Variants in STK38L observed in about 807,000 individuals in gnomAD.
The protein encoded by STK38L is serine/threonine kinase 38 like.
Under a neutral mutation model 59.7 loss-of-function variants are expected in STK38L, and 28 were observed. The ratio of observed to expected loss-of-function variants is 0.47; its 90% CI spans 0.35 to 0.64. STK38L has a LOEUF of 0.64. Ranked by LOEUF, STK38L falls within the 30% of genes least tolerant of loss-of-function variation. The pLI is 0.01. For synonymous variants in STK38L, 162 were observed against 176.8 expected, an observed-to-expected ratio of 0.92 and a Z score of 0.66; for missense variants, 314 against 555.8, an observed-to-expected ratio of 0.56 and a Z score of 4.37.
intron 1 of STK38L, among the ~76,000 whole-genome samples, chr12:27,263,096 T>G (rs1943235868): frequency 6.6e-6 from 1 of 152,162 alleles, no homozygotes; most frequent in Non-Finnish European, 1.5e-5. Flanking sequence ...CAGCCAAGAT[T>G]GTTTTGATAG....
chr12:27,301,559 C>T (rs757645035), intron 2 of STK38L, among the ~76,000 whole-genome samples: 3 of 152,148 alleles, frequency 2.0e-5, no homozygotes, highest in Non-Finnish European at 2.9e-5. Context: ...CGCACCCGGC[C>T]GCTGGTGGGT....
chr12:27,312,494 T>TG (rs1944478895), intron 5 of STK38L, 55 bp from the exon 6 acceptor site: 8 of 1,587,980 alleles, frequency 5.0e-6, no homozygotes, highest in Non-Finnish European at 5.2e-6. Context: ...AGAGATGAGT[T>TG]TAACAAATGT....
intron 1 of STK38L, among the ~76,000 whole-genome samples, chr12:27,263,184 GA>G (rs1943237783): frequency 6.6e-6 from 1 of 152,140 alleles, no homozygotes; most frequent in Non-Finnish European, 1.5e-5. Context: ...GCTTTTTGAA[GA>G]CTCTTAAGGA....
At position 27,308,326 on chromosome 12, in the gene STK38L, T is replaced by G; in HGVS notation, c.187-13T>G. On this transcript the variant is annotated splice_polypyrimidine_tract_variant and intron_variant, in intron 3 of 13. Transcript: ENST00000389032. This position sits in a 1 kb window ranked among gnomAD's most constrained non-coding sequence, Gnocchi z 4.5. ...TTATAAAATCATCCGTTTAAATTGT[T>G]TTTTTTTAATAGAAAAAGTTACGTC... The G allele has an allele frequency of 6.5e-7, 1 of 1,529,854 alleles. No homozygotes were observed. The highest frequency in any genetic ancestry group is 8.8e-7 in the Non-Finnish European group (1 of 1,139,590). The allele number at this position is 1,529,854 out of a possible 1,614,324, so 94.8% of individuals were successfully genotyped here.
In STK38L at chr12:27,322,998, G is replaced by C. The variant is rs1338306145; in HGVS notation, c.*543G>C. The C allele has an allele frequency of 1.3e-5, 2 of 152,132 alleles. No individual in the cohort carries two copies. The highest frequency in any genetic ancestry group is 2.4e-5 in the African/African-American group (1 of 41,436). The allele number at this position is 152,132 out of a possible 1,614,324, so 9.4% of individuals were successfully genotyped here. A position where few individuals can be genotyped will look rare whatever the true frequency, so the allele number is the denominator to read the frequency against. On this transcript the variant is annotated 3_prime_UTR_variant, in exon 14 of 14. Transcript: ENST00000389032. ...GACAATTTCTGTAATGGTTTTAAGA[G>C]ATTTAAAAAGAAATTCACTGGTTCT...
intron 1 of STK38L, among the ~76,000 whole-genome samples, chr12:27,245,039 G>T (rs1942819820): frequency 6.6e-6 from 1 of 152,144 alleles, no homozygotes; most frequent in African/African-American, 2.4e-5. Flanking sequence ...TTAAAAAGTT[G>T]CCAGGTTGAC....
intron 12 of STK38L, among the ~76,000 whole-genome samples, chr12:27,320,567 C>T (rs1240673932): frequency 6.7e-6 from 1 of 148,756 alleles, no homozygotes; most frequent in East Asian, 2.0e-4. Context: ...GCTGGGATTA[C>T]AGGCGCCTAG....
chr12:27,264,049 G>A (rs959713713), intron 1 of STK38L, among the ~76,000 whole-genome samples: 67 of 152,194 alleles, frequency 4.4e-4, no homozygotes, highest in African/African-American at 1.5e-3. Context: ...ATGTCTTCTC[G>A]TTGATGAGGG....
chr12:27,294,424 T>C (rs1943963436), intron 1 of STK38L, among the ~76,000 whole-genome samples: 1 of 151,206 alleles, frequency 6.6e-6, no homozygotes, highest in Admixed American at 6.6e-5. Context: ...GGAGAATTGC[T>C]TGAACCCAGG....
chr12:27,308,825 A>T lies in STK38L; in HGVS notation c.310-289A>T, dbSNP rs990459563. Among the ~76,000 whole-genome samples, 4 of 148,082 alleles carry T rather than the reference A, an allele frequency of 2.7e-5. No individual in the cohort carries two copies. The highest frequency in any genetic ancestry group is 4.5e-5 in the Non-Finnish European group (3 of 67,282). On this transcript the variant is annotated intron_variant, in intron 4 of 13. Coordinates refer to ENST00000389032, the MANE Select transcript of STK38L (RefSeq NM_015000.4). This position sits in a 1 kb window ranked among gnomAD's most constrained non-coding sequence, Gnocchi z 4.5. The stretch of plus-strand genomic sequence containing the variant: ...CATGAGTGAAACGCTCTCTCAAAAA[A>T]ATATATATATGTGTTTGTATGTATA...
At chr12:27,309,588 AC>A (rs1157317694) in intron 5 of STK38L, among the ~76,000 whole-genome samples, 1 of 152,180 alleles carries the variant, frequency 6.6e-6, no homozygotes, top group Admixed American at 6.5e-5. Flanking sequence ...GCGGGGACAC[AC>A]ACTCCTGTGA....
At chr12:27,312,319 G>A (rs34596048) in intron 5 of STK38L, among the ~76,000 whole-genome samples, 18,341 of 152,190 alleles carry the variant, frequency 0.12, 1,461 homozygotes, top group Middle Eastern at 0.24. Context: ...TCAGCTTCAC[G>A]TAATATACCT....
rs1944366905 is a variant in STK38L at position 27,308,365 on chromosome 12, T to C, written c.213T>C (p.Ala71=). 1 of 1,594,986 alleles carries C rather than the reference T, an allele frequency of 6.3e-7. No individual in the cohort carries two copies. Among genetic ancestry groups the C allele is most frequent in the Non-Finnish European group, 8.5e-7 (1 of 1,169,938 alleles). The change falls in exon 4 of 14, where the codon GCT becomes GCC. Residue 71 remains alanine (A), a synonymous_variant. Transcript: ENST00000389032. This position sits in a 1 kb window ranked among gnomAD's most constrained non-coding sequence, Gnocchi z 4.5. ...EEKKLRRSQH[A]RKETEFLRLK... ...AAAAGTTACGTCGATCACAACACGC[T>C]CGCAAAGAAACAGAGTTCTTACGGC...
intron 3 of STK38L, among the ~76,000 whole-genome samples, chr12:27,304,596 A>G (rs1944263870): frequency 6.6e-6 from 1 of 152,170 alleles, no homozygotes; most frequent in Non-Finnish European, 1.5e-5. Flanking sequence ...TCCAATCTAT[A>G]GAGAAAAAAT....
rs138038720 is a variant in STK38L at position 27,291,876 on chromosome 12, C to T, written c.-11-5834C>T. ...ATCACCAGTTAAATAATTTGTTTTA[C>T]AGCCAGGTAAAGCAGTTCTATTTTC... is the stretch of plus-strand genomic sequence containing the variant. On this transcript the variant is annotated intron_variant, in intron 1 of 13. Coordinates refer to ENST00000389032, the MANE Select transcript of STK38L (RefSeq NM_015000.4). Among the ~76,000 whole-genome samples, 30 of 152,326 alleles carry T rather than the reference C, an allele frequency of 2.0e-4. No individual in the cohort carries two copies. The East Asian group carries it at 5.8e-3, about 29-fold the overall frequency.
intron 1 of STK38L, among the ~76,000 whole-genome samples, chr12:27,265,812 T>A (rs1281944381): frequency 6.6e-6 from 1 of 152,194 alleles, no homozygotes; most frequent in Non-Finnish European, 1.5e-5. Context: ...TGTATCCTGA[T>A]TTCTGTTGAA....
At position 27,314,502 on chromosome 12, in the gene STK38L, A is replaced by C; in HGVS notation, c.518-2A>C. On this transcript the variant is annotated splice_acceptor_variant, in intron 6 of 13. Transcript: ENST00000389032. LOFTEE classifies it high-confidence loss of function. Reference sequence around the variant, plus strand: ...TAATATATTTGACTATCCTTTATTTAGGTGACATGATGACATTGCTAATGA... The same window carrying C: ...TAATATATTTGACTATCCTTTATTTCGGTGACATGATGACATTGCTAATGA... 1 of 1,539,174 alleles carries C rather than the reference A, an allele frequency of 6.5e-7. No individual in the cohort carries two copies. The highest frequency in any genetic ancestry group is 8.8e-7 in the Non-Finnish European group (1 of 1,142,326).
Position 27,309,122 on chromosome 12 carries a change from G to A in STK38L, c.318G>A (p.Leu106=), listed in dbSNP as rs1312289733. ...TGTTTTTTATCTTTTAGGTGCGGTT[G>A]GTCCAGAAGAAAGATACAGGCCATA... ...IGRGAFGEVR[L]VQKKDTGHIY... The change falls in exon 5 of 14, where the codon TTG becomes TTA. Residue 106 remains leucine, a synonymous_variant. Transcript: ENST00000389032. The A allele has an allele frequency of 1.3e-6, 2 of 1,586,410 alleles. No homozygotes were observed. Among genetic ancestry groups the A allele is most frequent in the Admixed American group, 1.8e-5 (1 of 56,288 alleles).
At chr12:27,257,689 G>A (rs750352250) in intron 1 of STK38L, among the ~76,000 whole-genome samples, 31 of 152,064 alleles carry the variant, frequency 2.0e-4, no homozygotes, top group Non-Finnish European at 3.8e-4. Flanking sequence ...TATGACTATA[G>A]GGCATCACTA....
Sources: gnomAD v4.1 joint callset for allele counts (sites outside exome capture counted in the v4.1 genomes callset) on GRCh38, gnomAD v4.1.1 for gene constraint, Gnocchi (gnomAD v3.1) non-coding constraint, MANE v1.5 for transcripts, NCBI Gene and HGNC (gene_info 2026-07-23, HGNC 2026-07-21) for gene names.